PAM: variants seen among roughly 807,000 people sequenced by gnomAD.
The protein encoded by PAM is peptidyl-glycine alpha-amidating monooxygenase.
In PAM, 72 loss-of-function variants were observed where a neutral mutation model predicts 122.1. The observed-to-expected ratio is 0.59, with a 90% confidence interval of 0.49 to 0.72. The LOEUF is 0.72. Among genes scored for constraint, PAM ranks in the 30% least tolerant of loss-of-function variants. The pLI, the probability that PAM is intolerant of heterozygous loss-of-function variation, is 0.00. For missense variants in PAM, 1,106 were observed against 1,183.7 expected (o/e 0.93, Z 0.96); for synonymous variants, 389 against 404.4 (o/e 0.96, Z 0.46).
chr5:102,809,367 A>G (rs55980765), intron 1 of PAM, among the ~76,000 whole-genome samples: 2 of 127,040 alleles, frequency 1.6e-5, no homozygotes, highest in Non-Finnish European at 3.5e-5. Flanking sequence ...AAAAAAAAAA[A>G]AAAAGAAAAC....
intron 1 of PAM, among the ~76,000 whole-genome samples, chr5:102,766,171 T>C (rs1753886317): frequency 6.6e-6 from 1 of 152,164 alleles, no homozygotes; most frequent in Non-Finnish European, 1.5e-5. Context: ...TTCCATGGAC[T>C]GGGGTGGAGG....
intron 5 of PAM, among the ~76,000 whole-genome samples, chr5:102,924,157 C>T (rs1266473024): frequency 1.3e-5 from 2 of 152,080 alleles, no homozygotes; most frequent in Non-Finnish European, 2.9e-5. Context: ...AGAGGCTGGG[C>T]GCAGTAGCTC....
intron 1 of PAM, among the ~76,000 whole-genome samples, chr5:102,783,278 TAAAC>T (rs1291651994): frequency 6.6e-6 from 1 of 151,118 alleles, no homozygotes; most frequent in Non-Finnish European, 1.5e-5. Flanking sequence ...GAATTTCAAA[TAAAC>T]AATAAATAAT....
chr5:102,966,798 A>G (rs564467219), intron 14 of PAM, among the ~76,000 whole-genome samples: 1 of 151,890 alleles, frequency 6.6e-6, no homozygotes, highest in Non-Finnish European at 1.5e-5. Context: ...CATCCTATTT[A>G]CTCTCCTTAT....
intron 7 of PAM, among the ~76,000 whole-genome samples, chr5:102,939,986 G>A (rs1561961792): frequency 6.6e-6 from 1 of 151,820 alleles, no homozygotes; most frequent in Non-Finnish European, 1.5e-5. Context: ...TTGCTGCCAG[G>A]TTACCCTCCC....
At chr5:103,017,545 T>C (rs1458779161) in intron 22 of PAM, 112 bp downstream of exon 22, 11 of 731,248 alleles carry the variant, frequency 1.5e-5, no homozygotes, top group Non-Finnish European at 2.6e-5. Context: ...AGAGTAGGAA[T>C]CAAAGTATAA....
At chr5:102,898,732 A>G (rs1025429628) in intron 3 of PAM, among the ~76,000 whole-genome samples, 4 of 151,630 alleles carry the variant, frequency 2.6e-5, no homozygotes, top group African/African-American at 9.7e-5. Flanking sequence ...TCTCCCATTA[A>G]TCAACTAAAC....
chr5:103,004,506 C>A (rs972701286), intron 17 of PAM, among the ~76,000 whole-genome samples: 2 of 152,172 alleles, frequency 1.3e-5, no homozygotes, highest in Non-Finnish European at 2.9e-5. Context: ...ATCATTGGAC[C>A]AAACCACCTC....
At chr5:103,017,284 G>A (rs1396753154) in intron 21 of PAM, 50 bp from the exon 22 acceptor site, 2 of 1,108,672 alleles carry the variant, frequency 1.8e-6, no homozygotes, top group Admixed American at 1.8e-5. Context: ...TTTCATGAAG[G>A]ATTCAAGTAA....
At chr5:102,828,347 C>CA (rs5870034) in intron 1 of PAM, among the ~76,000 whole-genome samples, 69 of 145,552 alleles carry the variant, frequency 4.7e-4, no homozygotes, top group African/African-American at 1.2e-3. Flanking sequence ...GACTCTGTCT[C>CA]AAAAAAAAAA....
intron 12 of PAM, among the ~76,000 whole-genome samples, chr5:102,951,994 T>G (rs1192379765): frequency 6.6e-6 from 1 of 152,026 alleles, no homozygotes; most frequent in Non-Finnish European, 1.5e-5. Context: ...AATCTTTACA[T>G]GAGGTAACAT....
chr5:102,819,297 A>C (rs1770919736), intron 1 of PAM, among the ~76,000 whole-genome samples: 1 of 152,180 alleles, frequency 6.6e-6, no homozygotes, highest in African/African-American at 2.4e-5. Context: ...AAATAGAACA[A>C]CAACAATGAA....
intron 1 of PAM, among the ~76,000 whole-genome samples, chr5:102,767,393 G>A (rs1280946756): frequency 6.6e-6 from 1 of 152,054 alleles, no homozygotes; most frequent in Non-Finnish European, 1.5e-5. Context: ...TCTTCATCTG[G>A]CCTCTTATTC....
intron 1 of PAM, among the ~76,000 whole-genome samples, chr5:102,824,316 A>G (rs1382475847): frequency 6.6e-6 from 1 of 152,218 alleles, no homozygotes; most frequent in Non-Finnish European, 1.5e-5. Flanking sequence ...GTATTTATTC[A>G]TATCACATTT....
chr5:102,995,393 C>T (rs1340300356), intron 16 of PAM, among the ~76,000 whole-genome samples: 1 of 152,080 alleles, frequency 6.6e-6, no homozygotes. Context: ...TTCTACAGTA[C>T]ACATTGAATT....
At chr5:102,996,776 G>A (rs1317737521) in intron 16 of PAM, among the ~76,000 whole-genome samples, 2 of 152,186 alleles carry the variant, frequency 1.3e-5, no homozygotes, top group Non-Finnish European at 2.9e-5. Flanking sequence ...GGCCTATTAT[G>A]TAGTGATTAA....
intron 15 of PAM, among the ~76,000 whole-genome samples, chr5:102,988,691 GAA>G (rs1173710691): frequency 9.1e-5 from 10 of 109,726 alleles, no homozygotes; most frequent in Non-Finnish European, 1.5e-4. Flanking sequence ...AAGAAAGAAG[GAA>G]AGAAAGAGAA....
intron 15 of PAM, among the ~76,000 whole-genome samples, chr5:102,982,131 G>A (rs1245131981): frequency 6.6e-6 from 1 of 151,872 alleles, no homozygotes; most frequent in Non-Finnish European, 1.5e-5. Flanking sequence ...GGATTCACCC[G>A]CCCTGTCTAC....
At chr5:102,833,979 G>A (rs372496946) in intron 1 of PAM, among the ~76,000 whole-genome samples, 2 of 152,194 alleles carry the variant, frequency 1.3e-5, no homozygotes, top group African/African-American at 4.8e-5. Context: ...TTCATATGGA[G>A]GAGAATCAAA....
Sources: allele counts gnomAD v4.1 joint callset (sites outside exome capture counted in the v4.1 genomes callset), GRCh38; gene constraint gnomAD v4.1.1; transcripts MANE v1.5; gene names NCBI Gene and HGNC (gene_info 2026-07-23, HGNC 2026-07-21).